Variants in RGS7 observed in about 807,000 individuals in gnomAD.
RGS7 encodes regulator of G protein signaling 7.
A neutral mutation model predicts 81.1 loss-of-function variants in RGS7; 27 were observed. The ratio of observed to expected loss-of-function variants is 0.33; its 90% CI spans 0.25 to 0.46. The LOEUF is 0.46. Among genes scored for constraint, RGS7 ranks in the 20% least tolerant of loss-of-function variants. The pLI is 1.00. For synonymous variants in RGS7, 208 were observed against 207.7 expected, an observed-to-expected ratio of 1.00 and a Z score of -0.01; for missense variants, 396 against 607.4, an observed-to-expected ratio of 0.65 and a Z score of 3.66.
At chr1:241,077,332 G>A (rs1285917873) in intron 3 of RGS7, among the ~76,000 whole-genome samples, 1 of 152,152 alleles carries the variant, frequency 6.6e-6, no homozygotes, top group Non-Finnish European at 1.5e-5. Context: ...AAAGAATAAA[G>A]AATGAACGGA....
chr1:240,797,464 G>A (rs988974390), intron 18 of RGS7, among the ~76,000 whole-genome samples: 1 of 152,126 alleles, frequency 6.6e-6, no homozygotes, highest in African/African-American at 2.4e-5. Flanking sequence ...CAATTTTCCT[G>A]CCTCAGTATC....
intron 2 of RGS7, chr1:241,132,481 A>C (rs1198970180): frequency 6.6e-6 from 1 of 152,454 alleles, no homozygotes; most frequent in Non-Finnish European, 1.5e-5. Context: ...CAAGAACTAA[A>C]ATACTTGGCA....
chr1:240,954,786 A>G (rs1680096620), intron 4 of RGS7, among the ~76,000 whole-genome samples: 1 of 152,220 alleles, frequency 6.6e-6, no homozygotes, highest in African/African-American at 2.4e-5. Context: ...ACACATTGGA[A>G]AAGAAGAAAT....
At chr1:240,952,459 C>T (rs1043448698) in intron 4 of RGS7, among the ~76,000 whole-genome samples, 2 of 151,792 alleles carry the variant, frequency 1.3e-5, no homozygotes, top group Admixed American at 6.6e-5. Flanking sequence ...AAATGTATAT[C>T]GTAAACTCTA....
intron 6 of RGS7, among the ~76,000 whole-genome samples, chr1:240,926,801 A>G (rs1373843349): frequency 6.6e-6 from 1 of 152,196 alleles, no homozygotes; most frequent in East Asian, 1.9e-4. Context: ...ACAAAATACC[A>G]GAAATCTTAT....
At chr1:241,158,889 A>G (rs2069395696) in intron 2 of RGS7, among the ~76,000 whole-genome samples, 1 of 152,204 alleles carries the variant, frequency 6.6e-6, no homozygotes, top group Non-Finnish European at 1.5e-5. Context: ...TGGGGTTTTC[A>G]TATGCACTGA....
rs1181998043 is a variant in RGS7, at chr1:240,811,994, C to A, written c.1006G>T (p.Glu336Ter). Residue 336 changes from glutamate to a stop codon, truncating the protein, a stop_gained, in exon 14 of 19, where the codon GAG becomes TAG. Coordinates refer to ENST00000440928, the MANE Select transcript of RGS7 (RefSeq NM_001364886.1). LOFTEE classifies it high-confidence loss of function. ...CTCCCAACTGGGTCTTTCAATGCCT[C>A]GTCCATGCCAAAACCCCATCGTTTT... ...RVKRWGFGMD[E>*]ALKDPVGREQ... The A allele has an allele frequency of 6.2e-7, 1 of 1,614,094 alleles. No homozygotes were observed. Among genetic ancestry groups the A allele is most frequent in the Admixed American group, 1.7e-5 (1 of 60,018 alleles).
At chr1:241,072,341 C>G (rs1344487748) in intron 3 of RGS7, among the ~76,000 whole-genome samples, 1 of 152,154 alleles carries the variant, frequency 6.6e-6, no homozygotes, top group Non-Finnish European at 1.5e-5. Flanking sequence ...GCTCTGTTTT[C>G]CTTTCTGGAA....
intron 3 of RGS7, chr1:240,998,938 G>C: frequency 2.9e-6 from 1 of 349,542 alleles, no homozygotes; most frequent in Admixed American, 3.8e-5. Context: ...ACCAATGTTA[G>C]ATCTTTTGTT....
Position 240,814,720 on chromosome 1 carries a change from C to G in RGS7, c.841G>C (p.Asp281His), listed in dbSNP as rs755905595. 6 of 1,584,604 alleles carry G rather than the reference C, an allele frequency of 3.8e-6. No homozygotes were observed. Among genetic ancestry groups the G allele is most frequent in the Non-Finnish European group, 5.2e-6 (6 of 1,153,776 alleles). The change falls in exon 12 of 19, where the codon GAC (aspartate) becomes CAC (histidine). Residue 281 changes from aspartate to histidine, a missense_variant. Asp to His is a moderately conservative substitution (Grantham distance 81). Coordinates refer to ENST00000440928, the MANE Select transcript of RGS7 (RefSeq NM_001364886.1). ...CAGACACTTTGAAATACTCACCTGT[C>G]AGCGACTTTTGACATTTTTAACCGA... ...RHRLKMSKVA[D>H]SLLSYTEQYL... is the part of the protein sequence containing the mutation.
At chr1:241,235,012 A>C (rs2075851803) in intron 2 of RGS7, among the ~76,000 whole-genome samples, 1 of 152,216 alleles carries the variant, frequency 6.6e-6, no homozygotes, top group Admixed American at 6.5e-5. Context: ...TCTAATTTCT[A>C]TTCTAATTTA....
intron 2 of RGS7, among the ~76,000 whole-genome samples, chr1:241,146,037 G>A (rs918780852): frequency 6.6e-6 from 1 of 152,108 alleles, no homozygotes; most frequent in African/African-American, 2.4e-5. Flanking sequence ...TTGGCTGAAG[G>A]CAAAGTGAAG....
intron 18 of RGS7, among the ~76,000 whole-genome samples, chr1:240,788,405 T>C (rs1363942652): frequency 6.6e-6 from 1 of 152,226 alleles, no homozygotes; most frequent in African/African-American, 2.4e-5. Context: ...TTGTGGCTCT[T>C]GACATTCACT....
intron 6 of RGS7, among the ~76,000 whole-genome samples, chr1:240,925,349 C>T (rs553768179): frequency 6.6e-6 from 1 of 152,236 alleles, no homozygotes; most frequent in African/African-American, 2.4e-5. Context: ...CAATGTTTAG[C>T]TCCCTCTTAT....
chr1:241,207,294 T>C (rs148299216), intron 2 of RGS7, among the ~76,000 whole-genome samples: 18 of 150,154 alleles, frequency 1.2e-4, no homozygotes, highest in African/African-American at 4.1e-4. Context: ...AGATCAAGAA[T>C]TATGCATGCT....
chr1:241,306,011 A>G (rs1018078989), intron 2 of RGS7: 5 of 154,454 alleles, frequency 3.2e-5, no homozygotes, highest in African/African-American at 1.2e-4. Flanking sequence ...ATGAATTTGG[A>G]AAGGTTTATG....
chr1:240,841,989 G>A (rs77272672), intron 9 of RGS7, among the ~76,000 whole-genome samples: 1,638 of 152,124 alleles, frequency 0.011, 31 homozygotes, highest in African/African-American at 0.038. Flanking sequence ...CTTTCAGAGC[G>A]AGTGCAATAA....
intron 2 of RGS7, among the ~76,000 whole-genome samples, chr1:241,219,512 G>A (rs994144241): frequency 1.3e-5 from 2 of 152,150 alleles, no homozygotes; most frequent in Admixed American, 6.5e-5. Flanking sequence ...AGAGCTTGCA[G>A]GGACCCCACT....
At chr1:240,784,524 T>TA (rs34173740) in intron 18 of RGS7, among the ~76,000 whole-genome samples, 8,065 of 151,122 alleles carry the variant, frequency 0.053, 299 homozygotes, top group South Asian at 0.083. Flanking sequence ...CGGGCGCCTG[T>TA]AGTCCCAGCT....
Sources: gnomAD v4.1 joint callset for allele counts (sites outside exome capture counted in the v4.1 genomes callset) on GRCh38, gnomAD v4.1.1 for gene constraint, MANE v1.5 for transcripts, NCBI Gene and HGNC (gene_info 2026-07-23, HGNC 2026-07-21) for gene names.